Variants in SAMD5 observed in about 807,000 individuals in gnomAD.
SAMD5 encodes sterile alpha motif domain containing 5, also known as sterile alpha motif domain-containing protein 5.
SAMD5 carries 13 observed loss-of-function variants against 11.3 expected under a neutral mutation model. The observed-to-expected ratio is 1.15, with a 90% CI of 0.75 to 1.83. The LOEUF (loss-of-function observed/expected upper bound fraction) is 1.83. Among genes scored for constraint, SAMD5 ranks in the 40% most tolerant of loss-of-function variants. SAMD5 has a pLI of 0.00. For synonymous variants in SAMD5, 129 were observed against 111.3 expected, an observed-to-expected ratio of 1.16 and a Z score of -1.00; for missense variants, 255 against 239.1, an observed-to-expected ratio of 1.07 and a Z score of -0.44.
intron 1 of SAMD5, among the ~76,000 whole-genome samples, chr6:147,663,244 A>G (rs1790670874): frequency 6.6e-6 from 1 of 152,182 alleles, no homozygotes; most frequent in Non-Finnish European, 1.5e-5. Context: ...AGACTCTCCA[A>G]TACTTGATGT....
At chr6:147,886,757 G>A in the SAMD5 span, among the ~76,000 whole-genome samples, 9 of 152,278 alleles carry the variant, frequency 5.9e-5, no homozygotes, top group South Asian at 2.1e-4. Context: ...CTCTGGAGGC[G>A]ACTACTGGTA....
the SAMD5 span, among the ~76,000 whole-genome samples, chr6:147,809,427 G>A: frequency 4.6e-5 from 7 of 151,946 alleles, no homozygotes; most frequent in Non-Finnish European, 1.0e-4. Context: ...TTTCAGCCAT[G>A]GGCACTCCAT....
intron 1 of SAMD5, among the ~76,000 whole-genome samples, chr6:147,644,715 C>T (rs767062833): frequency 2.6e-5 from 4 of 152,144 alleles, no homozygotes; most frequent in Admixed American, 2.0e-4. Flanking sequence ...TTAAGCTTTT[C>T]CTTCAATTGG....
chr6:147,889,206 T>C, the SAMD5 span, among the ~76,000 whole-genome samples: 1 of 152,238 alleles, frequency 6.6e-6, no homozygotes, highest in Non-Finnish European at 1.5e-5. Context: ...TTTGAACAGT[T>C]TCTGTTGCTG....
chr6:147,670,266 G>T (rs1236561782), intron 1 of SAMD5, among the ~76,000 whole-genome samples: 2 of 152,136 alleles, frequency 1.3e-5, no homozygotes, highest in Non-Finnish European at 2.9e-5. Context: ...AGGCTTTGTT[G>T]TTCCACTTAT....
chr6:147,754,306 A>G, the SAMD5 span, among the ~76,000 whole-genome samples: 1 of 144,696 alleles, frequency 6.9e-6, no homozygotes, highest in South Asian at 2.2e-4. Flanking sequence ...ATGACTAATG[A>G]TGTTGATCAC....
At chr6:147,821,803 T>G in the SAMD5 span, among the ~76,000 whole-genome samples, 61 of 152,282 alleles carry the variant, frequency 4.0e-4, 1 homozygote, top group African/African-American at 1.2e-3. Flanking sequence ...AGACTCTGAC[T>G]TTTTCATACC....
chr6:147,720,271 C>G (rs992849140), intron 1 of SAMD5, among the ~76,000 whole-genome samples: 4 of 152,124 alleles, frequency 2.6e-5, no homozygotes, highest in Non-Finnish European at 5.9e-5. Context: ...ACCATCCTGG[C>G]TAACATGGTG....
the SAMD5 span, among the ~76,000 whole-genome samples, chr6:147,913,159 C>T: frequency 6.6e-6 from 1 of 151,964 alleles, no homozygotes; most frequent in African/African-American, 2.4e-5. Flanking sequence ...CAAATTGAAA[C>T]AAGTCAACCT....
At chr6:147,828,951 A>G in the SAMD5 span, among the ~76,000 whole-genome samples, 2 of 152,352 alleles carry the variant, frequency 1.3e-5, no homozygotes, top group South Asian at 4.1e-4. Context: ...AGAAGAGGAT[A>G]GATGAAACCA....
chr6:147,900,221 G>T, the SAMD5 span, among the ~76,000 whole-genome samples: 1 of 152,098 alleles, frequency 6.6e-6, no homozygotes, highest in Non-Finnish European at 1.5e-5. Flanking sequence ...ATGGAGGATC[G>T]GTCAAAGGAG....
chr6:147,573,862 C>T (rs955944394), downstream of SAMD5, among the ~76,000 whole-genome samples: 8 of 152,110 alleles, frequency 5.3e-5, no homozygotes, highest in African/African-American at 1.9e-4. Context: ...CGGTGGCTCA[C>T]GCCTGTAATT....
chr6:147,679,038 A>G (rs539101883), intron 1 of SAMD5, among the ~76,000 whole-genome samples: 2 of 152,190 alleles, frequency 1.3e-5, no homozygotes. Context: ...AATTTAATGG[A>G]TAGATATACC....
the SAMD5 span, among the ~76,000 whole-genome samples, chr6:147,918,685 ATTCTTTT>A: frequency 8.3e-6 from 1 of 121,206 alleles, no homozygotes; most frequent in Non-Finnish European, 1.7e-5. Context: ...AATCACAAGC[ATTCTTTT>A]TTTTTTTTTT....
downstream of SAMD5, among the ~76,000 whole-genome samples, chr6:147,570,544 G>T (rs528112465): frequency 6.6e-6 from 1 of 152,200 alleles, no homozygotes; most frequent in South Asian, 2.1e-4. Flanking sequence ...TAACTACTGT[G>T]CATGCTTAAC....
the SAMD5 span, among the ~76,000 whole-genome samples, chr6:147,753,899 G>C: frequency 6.6e-6 from 1 of 152,144 alleles, no homozygotes; most frequent in South Asian, 2.1e-4. Context: ...TCTTTTTATG[G>C]CTGAATAGTA....
the SAMD5 span, among the ~76,000 whole-genome samples, chr6:147,751,492 C>T: frequency 2.0e-5 from 3 of 152,182 alleles, no homozygotes; most frequent in East Asian, 1.9e-4. Context: ...ATGACAGATT[C>T]ACTAAGAGTT....
chr6:147,640,194 C>T (rs1285764242), intron 1 of SAMD5, among the ~76,000 whole-genome samples: 3 of 151,796 alleles, frequency 2.0e-5, no homozygotes, highest in Non-Finnish European at 4.4e-5. Flanking sequence ...GGTGTGGTGG[C>T]ACGTGCCTGT....
At chr6:147,589,837 T>C (rs1292157360) in intron 1 of SAMD5, among the ~76,000 whole-genome samples, 1 of 152,216 alleles carries the variant, frequency 6.6e-6, no homozygotes, top group Non-Finnish European at 1.5e-5. Context: ...ACTTACTTCA[T>C]GAAATCCAAT....
Sources: gnomAD v4.1 joint callset for allele counts (sites outside exome capture counted in the v4.1 genomes callset) on GRCh38, gnomAD v4.1.1 for gene constraint, MANE v1.5 for transcripts, NCBI Gene and HGNC (gene_info 2026-07-23, HGNC 2026-07-21) for gene names.